PRDM1: variants seen among roughly 807,000 people sequenced by gnomAD.
PRDM1 encodes the protein PR domain zinc finger protein 1.
Under a neutral mutation model 62.8 loss-of-function variants are expected in PRDM1, and 13 were observed. The ratio of observed to expected loss-of-function variants is 0.21; its 90% CI spans 0.13 to 0.33. PRDM1 has a LOEUF of 0.33. Among genes scored for constraint, PRDM1 ranks in the 10% least tolerant of loss-of-function variants. PRDM1 has a pLI of 1.00. For synonymous variants in PRDM1, 396 were observed against 417.6 expected, an observed-to-expected ratio of 0.95 and a Z score of 0.63; for missense variants, 895 against 1,058.8, an observed-to-expected ratio of 0.85 and a Z score of 2.15.
upstream of PRDM1, among the ~76,000 whole-genome samples, chr6:106,047,073 T>C (rs935629308): frequency 1.3e-5 from 2 of 152,224 alleles, no homozygotes; most frequent in African/African-American, 2.4e-5. Context: ...ATATGATCTT[T>C]CCTTGCTTCT....
At chr6:106,039,591 T>C (rs1772965295) in intron 1 of PRDM1, among the ~76,000 whole-genome samples, 1 of 152,190 alleles carries the variant, frequency 6.6e-6, no homozygotes, top group Non-Finnish European at 1.5e-5. Context: ...CAGCTATTTT[T>C]TTATTGTTTT....
At chr6:106,092,957 A>T (rs559068644) in intron 2 of PRDM1, among the ~76,000 whole-genome samples, 1 of 152,318 alleles carries the variant, frequency 6.6e-6, no homozygotes, top group African/African-American at 2.4e-5. Context: ...TATGTAATTG[A>T]AATTTAAAAT....
intron 1 of PRDM1, among the ~76,000 whole-genome samples, chr6:106,037,754 T>C (rs968475883): frequency 6.6e-6 from 1 of 152,074 alleles, no homozygotes; most frequent in African/African-American, 2.4e-5. Flanking sequence ...TCATACATTG[T>C]TTTCTTGACT....
Position 106,061,917 on chromosome 6 carries a change from A to G in PRDM1, c.-67+13203A>G, listed in dbSNP as rs574770696. Among the ~76,000 whole-genome samples, 13 of 152,324 alleles carry G rather than the reference A, an allele frequency of 8.5e-5. No homozygotes were observed. In the South Asian group the frequency reaches 2.7e-3, roughly 32 times the overall value. On this transcript the variant is annotated intron_variant, in intron 1 of 6. Coordinates refer to the PRDM1 transcript ENST00000651185. ...AGACTTTAAAGCACCATTACAAGAT[A>G]TATTCAGGAGAGGATCTATCCTAAA... is the stretch of plus-strand genomic sequence containing the variant.
Position 106,086,600 on chromosome 6 carries a change from G to A in PRDM1, c.42+5G>A. 6.5e-7 allele frequency: 1 copy of A among 1,550,014 alleles called. No homozygotes were observed. The stretch of plus-strand genomic sequence containing the variant: ...AAACGTGTGGGTACGACCTTGGTAA[G>A]GAACTTGAATTTTTTTTTTTTAATT... On this transcript the variant is annotated splice_donor_5th_base_variant and intron_variant, in intron 1 of 6. Transcript: ENST00000369096.
rs1213913159 is a variant in PRDM1, at chr6:106,108,799, G to A, written c.*1313G>A. 4.3e-6 allele frequency: 1 copy of A among 232,852 alleles called. No individual in the cohort carries two copies. The highest frequency in any genetic ancestry group is 8.5e-6 in the Non-Finnish European group (1 of 117,676). 14.4% of individuals were successfully genotyped at this position (232,852 alleles called of 1,614,324 possible). Reference sequence around the variant, plus strand: ...GAAGATGAAAGGGCATTGCAAAGTTGTTCAACAACAGTTACCTCATTGAGT... The same window carrying A: ...GAAGATGAAAGGGCATTGCAAAGTTATTCAACAACAGTTACCTCATTGAGT... On this transcript the variant is annotated 3_prime_UTR_variant, in exon 7 of 7. Transcript: ENST00000369096.
chr6:106,069,490 A>G (rs1773479503), intron 1 of PRDM1, among the ~76,000 whole-genome samples: 1 of 152,204 alleles, frequency 6.6e-6, no homozygotes, highest in African/African-American at 2.4e-5. Flanking sequence ...ATGTCCTTTT[A>G]TAGTTGTAAC....
chr6:106,001,144 G>A (rs2114542315), intron 1 of PRDM1, among the ~76,000 whole-genome samples: 1 of 152,256 alleles, frequency 6.6e-6, no homozygotes, highest in Middle Eastern at 3.4e-3. Flanking sequence ...GTGAAATTGA[G>A]CATCTTTTCA....
upstream of PRDM1, among the ~76,000 whole-genome samples, chr6:106,082,733 A>G (rs1353116956): frequency 6.6e-6 from 1 of 152,176 alleles, no homozygotes; most frequent in African/African-American, 2.4e-5. Flanking sequence ...CACTGACCTC[A>G]TTCCAAAACA....
chr6:106,008,114 T>A (rs1192938206), intron 1 of PRDM1, among the ~76,000 whole-genome samples: 2 of 152,248 alleles, frequency 1.3e-5, no homozygotes, highest in Non-Finnish European at 2.9e-5. Context: ...GGCTCACGCC[T>A]GTAATCCCAA....
At chr6:106,065,619 C>T (rs926858575) in intron 1 of PRDM1, among the ~76,000 whole-genome samples, 6 of 152,048 alleles carry the variant, frequency 3.9e-5, no homozygotes, top group Admixed American at 1.3e-4. Context: ...AATTACTGCA[C>T]AAAAGGTAAT....
At chr6:106,063,664 A>T (rs1773382856) in intron 1 of PRDM1, among the ~76,000 whole-genome samples, 1 of 152,230 alleles carries the variant, frequency 6.6e-6, no homozygotes, top group African/African-American at 2.4e-5. Context: ...AGTTTACGAC[A>T]TGCTGAATCA....
At chr6:106,002,172 G>T (rs769355114) in intron 1 of PRDM1, among the ~76,000 whole-genome samples, 6 of 152,126 alleles carry the variant, frequency 3.9e-5, no homozygotes, top group Non-Finnish European at 5.9e-5. Flanking sequence ...TAGAGGTAAG[G>T]CCAGGTAATC....
intron 2 of PRDM1, among the ~76,000 whole-genome samples, chr6:106,091,097 T>C (rs144345437): frequency 5.5e-4 from 83 of 152,222 alleles, no homozygotes; most frequent in African/African-American, 1.9e-3. Context: ...CCCCTTGTCC[T>C]CCTGAAATAA....
intron 2 of PRDM1, among the ~76,000 whole-genome samples, chr6:106,092,153 C>T (rs1320660683): frequency 6.8e-6 from 1 of 147,474 alleles, no homozygotes; most frequent in African/African-American, 2.5e-5. Flanking sequence ...AAAAACAAAC[C>T]TATATTGTCC....
chr6:106,046,291 G>A (rs1327973581), upstream of PRDM1: 1 of 152,158 alleles, frequency 6.6e-6, no homozygotes, highest in African/African-American at 2.4e-5. Context: ...CTAAGGTGGG[G>A]TTAGCTTTCA....
intron 1 of PRDM1, among the ~76,000 whole-genome samples, chr6:106,029,314 G>A (rs1772808307): frequency 6.6e-6 from 1 of 152,128 alleles, no homozygotes; most frequent in African/African-American, 2.4e-5. Flanking sequence ...GTGATGTATG[G>A]TACATAAGGT....
At chr6:106,089,295 C>T (rs1248814045) in intron 2 of PRDM1, among the ~76,000 whole-genome samples, 1 of 152,204 alleles carries the variant, frequency 6.6e-6, no homozygotes, top group East Asian at 1.9e-4. Flanking sequence ...GAAAGGACCC[C>T]TCAGCAGACT....
intron 1 of PRDM1, among the ~76,000 whole-genome samples, chr6:106,061,702 G>A (rs1399606627): frequency 2.0e-5 from 3 of 152,224 alleles, no homozygotes; most frequent in Non-Finnish European, 4.4e-5. Context: ...TTGAAGCTTA[G>A]AGACATTGAG....
Sources: allele counts gnomAD v4.1 joint callset (sites outside exome capture counted in the v4.1 genomes callset), GRCh38; gene constraint gnomAD v4.1.1; transcripts MANE v1.5; gene names NCBI Gene and HGNC (gene_info 2026-07-23, HGNC 2026-07-21).